NRCAM: variants seen among roughly 807,000 people sequenced by gnomAD.
NRCAM encodes the protein neuronal cell adhesion molecule, also known as NgCAM-related cell adhesion molecule.
A neutral mutation model predicts 156.5 loss-of-function variants in NRCAM; 83 were observed. The observed-to-expected ratio is 0.53, with a 90% CI of 0.44 to 0.64. The LOEUF is 0.64. NRCAM is among the 30% of genes least tolerant of loss of function. The pLI is 0.00. For missense variants in NRCAM, 1,417 were observed against 1,597.3 expected, an observed-to-expected ratio of 0.89 and a Z score of 1.92; for synonymous variants, 538 against 563.9, an observed-to-expected ratio of 0.95 and a Z score of 0.65.
chr7:108,173,010 G>A (rs1378224694), intron 28 of NRCAM, among the ~76,000 whole-genome samples: 1 of 131,442 alleles, frequency 7.6e-6, no homozygotes, highest in Non-Finnish European at 1.6e-5. Context: ...TTTTTGAGAT[G>A]GAGTTTTGCT....
chr7:108,335,626 A>G (rs1439903373), intron 2 of NRCAM, among the ~76,000 whole-genome samples: 2 of 152,088 alleles, frequency 1.3e-5, no homozygotes, highest in Admixed American at 1.3e-4. Flanking sequence ...CCCCAAAGAC[A>G]TATGTCCTTA....
intron 20 of NRCAM, among the ~76,000 whole-genome samples, chr7:108,187,309 C>A (rs1200637542): frequency 6.6e-6 from 1 of 152,148 alleles, no homozygotes; most frequent in Non-Finnish European, 1.5e-5. Flanking sequence ...CTTCTCTCCG[C>A]CCTCACTTTC....
At chr7:108,233,997 C>T (rs926026388) in intron 6 of NRCAM, among the ~76,000 whole-genome samples, 5 of 152,164 alleles carry the variant, frequency 3.3e-5, no homozygotes, top group South Asian at 2.1e-4. Context: ...ATCTAAAATG[C>T]TATGCAAGAT....
intron 1 of NRCAM, among the ~76,000 whole-genome samples, chr7:108,439,538 G>A (rs1563816000): frequency 6.6e-6 from 1 of 152,094 alleles, no homozygotes; most frequent in Admixed American, 6.6e-5. Context: ...ACCACTCCAT[G>A]GTCACTAGAA....
rs2071821604 is a variant in NRCAM at position 108,191,824 on chromosome 7, A to G, written c.1808T>C (p.Val603Ala). The G allele has an allele frequency of 1.2e-6, 2 of 1,613,724 alleles. No homozygotes were observed. Among genetic ancestry groups the G allele is most frequent in the Non-Finnish European group, 1.7e-6 (2 of 1,179,968 alleles). The change falls in exon 18 of 33, where the codon GTA becomes GCA. Residue 603 changes from valine to alanine, a missense_variant. Physicochemically the swap from Val to Ala is moderately conservative, Grantham distance 64 (BLOSUM62 0). Around this residue, in one of 2 missense-constraint regions of NRCAM, gnomAD observed 1,238 missense variants for 1,336.4 expected, o/e 0.93. Transcript: ENST00000379028. ...RFTVDKDHLVVADVSDDDSGT... is the reference protein window; with the variant it reads ...RFTVDKDHLVAADVSDDDSGT... The stretch of plus-strand genomic sequence containing the variant: ...GCTGTCATCGTCACTGACATCAGCT[A>G]CCACTAGATGATCCTTGTCAACAGT...
chr7:108,239,885 G>C, intron 4 of NRCAM, 74 bp downstream of exon 4: 1 of 872,142 alleles, frequency 1.1e-6, no homozygotes, highest in Non-Finnish European at 1.9e-6. Flanking sequence ...CTCCATTCAC[G>C]CAGTTCAGAG....
At position 108,191,741 on chromosome 7, in the gene NRCAM, G is replaced by A; in HGVS notation, c.1891C>T (p.Leu631Phe). ...TTTTCGTTCTTACCAACAACGCTAA[G>A]CACAGCGCTGGCGGAGACGCTGTCC... ...TLDSVSASAV[L>F]SVVAPTPTPA... The change falls in exon 18 of 33, where the codon CTT becomes TTT. Residue 631 changes from leucine to phenylalanine, a missense_variant. Physicochemically the swap from Leu to Phe is conservative, Grantham distance 22. Coordinates refer to ENST00000379028, the MANE Select transcript of NRCAM (RefSeq NM_001037132.4). 1 of 1,612,218 alleles carries A rather than the reference G, an allele frequency of 6.2e-7. No individual in the cohort carries two copies. The highest frequency in any genetic ancestry group is 1.3e-5 in the African/African-American group (1 of 75,006).
intron 1 of NRCAM, among the ~76,000 whole-genome samples, chr7:108,400,087 T>C (rs1677073786): frequency 6.6e-6 from 1 of 152,100 alleles, no homozygotes; most frequent in East Asian, 1.9e-4. Flanking sequence ...CAATTAGTAT[T>C]TTAGAGGTGG....
chr7:108,357,938 C>G (rs1239191290), intron 2 of NRCAM, among the ~76,000 whole-genome samples: 1 of 107,256 alleles, frequency 9.3e-6, no homozygotes, highest in Non-Finnish European at 2.0e-5. Flanking sequence ...AAATAGACTA[C>G]ATATGGTAGG....
At chr7:108,246,445 G>A (rs2095928160) in intron 3 of NRCAM, among the ~76,000 whole-genome samples, 2 of 152,156 alleles carry the variant, frequency 1.3e-5, no homozygotes, top group African/African-American at 2.4e-5. Flanking sequence ...GAGAGAGAGT[G>A]AGTCAGCGGT....
Position 108,149,886 on chromosome 7 carries a change from G to T in NRCAM, c.*24C>A. On this transcript the variant is annotated 3_prime_UTR_variant, in exon 33 of 33. Transcript: ENST00000379028. ...TTAGGATAAACATTCTAGAGAAATGGAATATTGGCAAAGAGCTTAAAAATT... is the reference window on the plus strand; with the variant it reads ...TTAGGATAAACATTCTAGAGAAATGTAATATTGGCAAAGAGCTTAAAAATT... 1 of 1,574,260 alleles carries T rather than the reference G, an allele frequency of 6.4e-7. No homozygotes were observed. The highest frequency in any genetic ancestry group is 2.2e-5 in the East Asian group (1 of 44,682).
At chr7:108,289,610 G>A (rs963487773) in intron 3 of NRCAM, among the ~76,000 whole-genome samples, 5 of 152,120 alleles carry the variant, frequency 3.3e-5, no homozygotes, top group African/African-American at 1.2e-4. Context: ...TGGGCACATG[G>A]GAGGCACTCA....
chr7:108,167,876 A>G (rs1488218063), intron 29 of NRCAM, among the ~76,000 whole-genome samples: 1 of 152,210 alleles, frequency 6.6e-6, no homozygotes, highest in Non-Finnish European at 1.5e-5. Context: ...GTCAGGGCAA[A>G]ATGAATACTT....
chr7:108,249,519 A>G (rs2096202769), intron 3 of NRCAM, among the ~76,000 whole-genome samples: 1 of 152,256 alleles, frequency 6.6e-6, no homozygotes, highest in South Asian at 2.1e-4. Flanking sequence ...TTTATAAAAA[A>G]AAATAATCAA....
At chr7:108,306,993 T>C (rs1207837949) in intron 3 of NRCAM, among the ~76,000 whole-genome samples, 2 of 152,346 alleles carry the variant, frequency 1.3e-5, no homozygotes, top group South Asian at 4.1e-4. Flanking sequence ...CACTAAGCCA[T>C]GCCACCAAGC....
At chr7:108,268,119 C>T (rs911283452) in intron 3 of NRCAM, among the ~76,000 whole-genome samples, 3 of 152,126 alleles carry the variant, frequency 2.0e-5, no homozygotes, top group East Asian at 1.9e-4. Flanking sequence ...AAAGTGTAAA[C>T]ACAACATTCT....
chr7:108,337,468 G>T (rs2099210502), intron 2 of NRCAM, among the ~76,000 whole-genome samples: 1 of 152,100 alleles, frequency 6.6e-6, no homozygotes, highest in Non-Finnish European at 1.5e-5. Context: ...TCTGGATCTG[G>T]CAGGGTGTCT....
At chr7:108,391,381 G>A (rs558126461) in intron 2 of NRCAM, among the ~76,000 whole-genome samples, 73 of 152,268 alleles carry the variant, frequency 4.8e-4, no homozygotes, top group Non-Finnish European at 4.4e-5. Context: ...TTTTATCAGA[G>A]ACCAGGATTG....
intron 13 of NRCAM, among the ~76,000 whole-genome samples, chr7:108,206,231 G>A (rs1366977253): frequency 1.3e-5 from 2 of 152,346 alleles, no homozygotes; most frequent in South Asian, 2.1e-4. Context: ...GACCTTGATG[G>A]TAAGAAACAG....
Sources: gnomAD v4.1 joint callset for allele counts (sites outside exome capture counted in the v4.1 genomes callset) on GRCh38, gnomAD v4.1.1 for gene constraint, gnomAD v4.1.1 regional missense constraint, MANE v1.5 for transcripts, NCBI Gene and HGNC (gene_info 2026-07-23, HGNC 2026-07-21) for gene names.